Variants in PITPNA observed in about 807,000 individuals in gnomAD.
The protein encoded by PITPNA is phosphatidylinositol transfer protein alpha.
Under a neutral mutation model 50.3 loss-of-function variants are expected in PITPNA, and 13 were observed. The observed-to-expected ratio is 0.26, with a 90% CI of 0.17 to 0.41. The LOEUF (loss-of-function observed/expected upper bound fraction) is 0.41, where lower values mean the gene tolerates loss of function less well. PITPNA is among the 10% of genes least tolerant of loss of function. The probability of loss-of-function intolerance (pLI) is 1.00; values close to 1 mark genes in which losing one functional copy is unlikely to be tolerated. For missense variants in PITPNA, 207 were observed against 333.4 expected (o/e 0.62, Z 2.95); for synonymous variants, 120 against 119.6 (o/e 1.00, Z -0.02).
chr17:1,524,296 G>T (rs1220600597), intron 10 of PITPNA, among the ~76,000 whole-genome samples: 1 of 149,478 alleles, frequency 6.7e-6, no homozygotes, highest in Non-Finnish European at 1.5e-5. Flanking sequence ...CGCCCGCCTT[G>T]GCCTCCCAAA....
chr17:1,534,807 C>T (rs1227450000), intron 9 of PITPNA, among the ~76,000 whole-genome samples: 2 of 152,194 alleles, frequency 1.3e-5, no homozygotes, highest in Non-Finnish European at 1.5e-5. Flanking sequence ...AGTTTCCTTC[C>T]CTGTCACATG....
chr17:1,555,795 G>A (rs1356184631), intron 2 of PITPNA, among the ~76,000 whole-genome samples: 7 of 152,184 alleles, frequency 4.6e-5, no homozygotes, highest in Non-Finnish European at 7.3e-5. Context: ...CAGCCCGGCC[G>A]ACCTGTGCCA....
chr17:1,555,450 C>G (rs1027929266), intron 2 of PITPNA, among the ~76,000 whole-genome samples: 7 of 152,102 alleles, frequency 4.6e-5, no homozygotes, highest in Non-Finnish European at 1.0e-4. Flanking sequence ...CAGCCAGACT[C>G]GGATGGGGCA....
At chr17:1,545,917 CT>C (rs11322049) in intron 4 of PITPNA, among the ~76,000 whole-genome samples, 32,519 of 86,318 alleles carry the variant, frequency 0.38, 6,234 homozygotes, top group East Asian at 0.56. Flanking sequence ...TGCATACTGC[CT>C]TTTTTTTTTT....
At chr17:1,540,107 C>A (rs2075640707) in intron 6 of PITPNA, among the ~76,000 whole-genome samples, 1 of 152,198 alleles carries the variant, frequency 6.6e-6, no homozygotes, top group Non-Finnish European at 1.5e-5. Flanking sequence ...TTACGGTGCC[C>A]ACACCATTTC....
intron 6 of PITPNA, among the ~76,000 whole-genome samples, chr17:1,540,523 G>C (rs920419570): frequency 6.6e-6 from 1 of 151,946 alleles, no homozygotes; most frequent in Non-Finnish European, 1.5e-5. Flanking sequence ...TTCCATGGCT[G>C]CAAGGATGTC....
chr17:1,524,549 T>G (rs2075535514), intron 10 of PITPNA, among the ~76,000 whole-genome samples: 1 of 152,078 alleles, frequency 6.6e-6, no homozygotes, highest in Non-Finnish European at 1.5e-5. Context: ...TTTGAGCCAC[T>G]GGGTATGGCC....
chr17:1,541,841 G>A, intron 5 of PITPNA: 1 of 672,258 alleles, frequency 1.5e-6, no homozygotes, highest in Admixed American at 2.1e-5. Flanking sequence ...CCCAGCCTGA[G>A]AGCTCTGTAG....
intron 11 of PITPNA, among the ~76,000 whole-genome samples, 151 bp from the exon 12 acceptor site, chr17:1,520,689 T>C (rs151149721): frequency 2.0e-5 from 3 of 152,242 alleles, no homozygotes; most frequent in African/African-American, 7.2e-5. Context: ...GAGCAGTGAC[T>C]GAGAAGCTGG....
chr17:1,551,082 C>G (rs2075706321), intron 3 of PITPNA, among the ~76,000 whole-genome samples: 1 of 151,550 alleles, frequency 6.6e-6, no homozygotes, highest in Admixed American at 6.6e-5. Flanking sequence ...TCAGCGGGAC[C>G]TGATGGGACA....
chr17:1,535,377 CTCCACA>C, intron 8 of PITPNA, 58 bp downstream of exon 8: 2 of 1,519,692 alleles, frequency 1.3e-6, no homozygotes, highest in Middle Eastern at 3.4e-4. Context: ...CATGCCCCTC[CTCCACA>C]GGGAGCGGCC....
chr17:1,524,667 G>A (rs1296568334), intron 10 of PITPNA, among the ~76,000 whole-genome samples: 1 of 151,970 alleles, frequency 6.6e-6, no homozygotes, highest in Non-Finnish European at 1.5e-5. Flanking sequence ...CCAGCATGGT[G>A]AAACCCCATC....
At chr17:1,543,628 G>A (rs1286695327) in intron 4 of PITPNA, among the ~76,000 whole-genome samples, 1 of 152,144 alleles carries the variant, frequency 6.6e-6, no homozygotes. Context: ...TGTACCCTCT[G>A]AATTTAGGAC....
At chr17:1,538,662 G>A (rs2075631602) in intron 7 of PITPNA, 2 of 506,706 alleles carry the variant, frequency 3.9e-6, no homozygotes, top group South Asian at 2.9e-5. Context: ...AGGCCAAACA[G>A]GGCACACAAA....
At position 1,562,748 on chromosome 17, in the gene PITPNA, G is replaced by A. The variant is rs2075775105; in HGVS notation, c.-188C>T. ...CCGCCCGGGCCTCGTCGCCTCTCGC[G>A]CCGCTGCCGACGCCGCCCGGAGCTC... is the stretch of plus-strand genomic sequence containing the variant. On this transcript the variant is annotated 5_prime_UTR_variant, in exon 1 of 12. Transcript: ENST00000313486. This position sits in a 1 kb window ranked among gnomAD's most constrained non-coding sequence, Gnocchi z 6.4. 5.3e-6 allele frequency: 1 copy of A among 189,822 alleles called. No individual in the cohort carries two copies. Among genetic ancestry groups the A allele is most frequent in the Non-Finnish European group, 9.9e-6 (1 of 101,478 alleles). 11.8% of individuals were successfully genotyped at this position (189,822 alleles called of 1,614,324 possible).
intron 5 of PITPNA, 87 bp from the exon 6 acceptor site, chr17:1,541,727 G>A (rs1179509480): frequency 1.2e-6 from 1 of 850,400 alleles, no homozygotes; most frequent in Admixed American, 2.0e-5. Context: ...GGCATTACTG[G>A]ATCATGGGCA....
At chr17:1,554,111 C>T (rs936981086) in intron 2 of PITPNA, among the ~76,000 whole-genome samples, 1 of 152,190 alleles carries the variant, frequency 6.6e-6, no homozygotes, top group Admixed American at 6.5e-5. Context: ...CAGACTTAGC[C>T]CTTCCGCCTT....
intron 11 of PITPNA, among the ~76,000 whole-genome samples, chr17:1,520,794 C>T (rs1192384167): frequency 6.6e-6 from 1 of 152,206 alleles, no homozygotes; most frequent in African/African-American, 2.4e-5. Flanking sequence ...GCCGTCACTC[C>T]TGGTGAGACC....
chr17:1,533,046 C>T (rs1320312578), intron 10 of PITPNA, among the ~76,000 whole-genome samples: 2 of 152,206 alleles, frequency 1.3e-5, no homozygotes, highest in African/African-American at 4.8e-5. Context: ...GGCGCCCAAG[C>T]CTGGCTCTCA....
Sources: gnomAD v4.1 joint callset for allele counts (sites outside exome capture counted in the v4.1 genomes callset) on GRCh38, gnomAD v4.1.1 for gene constraint, Gnocchi (gnomAD v3.1) non-coding constraint, MANE v1.5 for transcripts, NCBI Gene and HGNC (gene_info 2026-07-23, HGNC 2026-07-21) for gene names.